Variants in ELOVL7 observed in about 807,000 individuals in gnomAD.
ELOVL7 encodes the protein ELOVL fatty acid elongase 7, also known as very long chain fatty acid elongase 7.
In ELOVL7, 27 loss-of-function variants were observed where a neutral mutation model predicts 35.7. The observed-to-expected ratio is 0.76, with a 90% CI of 0.56 to 1.04. The LOEUF (loss-of-function observed/expected upper bound fraction) is 1.04. Ranked by LOEUF, ELOVL7 falls within the 50% of genes least tolerant of loss-of-function variation. ELOVL7 has a pLI of 0.00. For missense variants in ELOVL7, 327 were observed against 340.8 expected, an observed-to-expected ratio of 0.96 and a Z score of 0.32; for synonymous variants, 113 against 114.6, an observed-to-expected ratio of 0.99 and a Z score of 0.09.
intron 1 of ELOVL7, among the ~76,000 whole-genome samples, chr5:60,815,098 C>G (rs979346387): frequency 6.6e-6 from 1 of 152,180 alleles, no homozygotes; most frequent in Non-Finnish European, 1.5e-5. Flanking sequence ...CAAGCTAATG[C>G]ATAATGAACT....
chr5:60,772,218 C>A, intron 3 of ELOVL7, 125 bp from the exon 4 acceptor site: 1 of 604,956 alleles, frequency 1.7e-6, no homozygotes, highest in Non-Finnish European at 2.9e-6. Context: ...GCAGTGATCA[C>A]TAGTATCTTT....
intron 3 of ELOVL7, among the ~76,000 whole-genome samples, chr5:60,786,275 A>G (rs1743579508): frequency 6.6e-6 from 1 of 152,020 alleles, no homozygotes; most frequent in Non-Finnish European, 1.5e-5. Flanking sequence ...TTTTTTTTGA[A>G]ATTTTACTTT....
At position 60,757,620 on chromosome 5, in the gene ELOVL7, A is replaced by G; in HGVS notation, c.525T>C (p.Leu175=). Residue 175 remains leucine, a synonymous_variant, in exon 8 of 9, where the codon CTT becomes CTC. Coordinates refer to ENST00000508821, the MANE Select transcript of ELOVL7 (RefSeq NM_024930.3). ...TGACTACATGTACAGCTGTATTTAG[A>G]AGGGCATGGAATGTTCCCAAACCAC... ...AAGGLGTFHA[L]LNTAVHVVMY... is the part of the protein sequence containing the mutation. 2 of 1,591,810 alleles carry G rather than the reference A, an allele frequency of 1.3e-6. No individual in the cohort carries two copies. The highest frequency in any genetic ancestry group is 1.7e-6 in the Non-Finnish European group (2 of 1,165,542).
At chr5:60,757,433 C>G in intron 8 of ELOVL7, 76 bp downstream of exon 8, 1 of 1,428,680 alleles carries the variant, frequency 7.0e-7, no homozygotes. Context: ...TTTATTTAAC[C>G]AGTATCCTAA....
intron 1 of ELOVL7, among the ~76,000 whole-genome samples, chr5:60,838,888 T>C (rs1746988044): frequency 6.6e-6 from 1 of 151,576 alleles, no homozygotes; most frequent in African/African-American, 2.4e-5. Context: ...GCCATCTTGG[T>C]GGTGAGTGTC....
intron 1 of ELOVL7, among the ~76,000 whole-genome samples, chr5:60,833,596 A>C (rs1015353385): frequency 6.6e-6 from 1 of 152,220 alleles, no homozygotes; most frequent in African/African-American, 2.4e-5. Context: ...TTAAACCTAC[A>C]TTAGAAATTA....
intron 3 of ELOVL7, among the ~76,000 whole-genome samples, chr5:60,785,201 G>T (rs1370208177): frequency 1.3e-5 from 2 of 151,934 alleles, no homozygotes; most frequent in Admixed American, 1.3e-4. Context: ...AGTATTCCTT[G>T]CCTTCTCCCT....
At position 60,784,094 on chromosome 5, in the gene ELOVL7, A is replaced by G. The variant is rs377070430; in HGVS notation, c.64+3240T>C. The stretch of plus-strand genomic sequence containing the variant: ...ATAGGGAAAGTAGAATGCCACATAC[A>G]TAGAATATTAATGGGCTTTTCCATC... On this transcript the variant is annotated intron_variant, in intron 3 of 8. Transcript: ENST00000508821. The G allele has an allele frequency of 5.2e-6, 7 of 1,355,934 alleles. No individual in the cohort carries two copies. The South Asian group carries it at 6.2e-5, about 12-fold the overall frequency. The allele number at this position is 1,355,934 out of a possible 1,614,324, so 84.0% of individuals were successfully genotyped here.
intron 2 of ELOVL7, among the ~76,000 whole-genome samples, chr5:60,788,015 AAAG>A (rs1743703580): frequency 6.6e-6 from 1 of 152,226 alleles, no homozygotes; most frequent in African/African-American, 2.4e-5. Context: ...GAAATCTGAA[AAAG>A]AAGACCAGTG....
chr5:60,841,332 T>C (rs1249168410), intron 1 of ELOVL7, among the ~76,000 whole-genome samples: 1 of 152,138 alleles, frequency 6.6e-6, no homozygotes, highest in Admixed American at 6.6e-5. Flanking sequence ...AGCCTGAGAA[T>C]ACTAAAATAC....
chr5:60,818,319 GAAA>G (rs60141189), intron 1 of ELOVL7, among the ~76,000 whole-genome samples: 89 of 70,566 alleles, frequency 1.3e-3, no homozygotes, highest in African/African-American at 2.4e-3. Context: ...TTCCATCTCA[GAAA>G]AAAAAAAAAA....
At chr5:60,774,195 A>T (rs1315279616) in intron 3 of ELOVL7, among the ~76,000 whole-genome samples, 1 of 152,156 alleles carries the variant, frequency 6.6e-6, no homozygotes, top group Non-Finnish European at 1.5e-5. Flanking sequence ...AACAACAATG[A>T]CAAAAAAGAA....
intron 1 of ELOVL7, among the ~76,000 whole-genome samples, chr5:60,832,667 A>ATT (rs34899576): frequency 6.8e-6 from 1 of 147,508 alleles, no homozygotes; most frequent in Non-Finnish European, 1.5e-5. Flanking sequence ...CCCAGCCGGA[A>ATT]TTTTTTTTTT....
intron 1 of ELOVL7, among the ~76,000 whole-genome samples, chr5:60,829,633 A>G (rs2112379894): frequency 6.6e-6 from 1 of 152,308 alleles, no homozygotes; most frequent in East Asian, 1.9e-4. Context: ...GGAGAAAGAC[A>G]TACTAGAGAA....
At chr5:60,806,717 C>A (rs116252611) in intron 1 of ELOVL7, among the ~76,000 whole-genome samples, 2 of 152,042 alleles carry the variant, frequency 1.3e-5, no homozygotes, top group East Asian at 1.9e-4. Context: ...GAACTGTTTG[C>A]GGTCTCTCTC....
chr5:60,837,602 T>C (rs560717483), intron 1 of ELOVL7, among the ~76,000 whole-genome samples: 20 of 152,284 alleles, frequency 1.3e-4, no homozygotes, highest in South Asian at 1.0e-3. Flanking sequence ...GCCCATGAAG[T>C]TGATTTTCTG....
intron 1 of ELOVL7, among the ~76,000 whole-genome samples, chr5:60,814,828 A>G (rs931686978): frequency 2.6e-5 from 4 of 152,186 alleles, no homozygotes; most frequent in Non-Finnish European, 4.4e-5. Flanking sequence ...CAATCAACCA[A>G]CATTTATTAA....
intron 1 of ELOVL7, among the ~76,000 whole-genome samples, chr5:60,814,254 G>A (rs1384691915): frequency 6.6e-6 from 1 of 152,086 alleles, no homozygotes; most frequent in East Asian, 1.9e-4. Flanking sequence ...CTGTGAAATG[G>A]GTCAAAAATG....
intron 4 of ELOVL7, chr5:60,768,716 G>A (rs978145074): frequency 2.2e-5 from 10 of 455,822 alleles, no homozygotes; most frequent in Non-Finnish European, 4.4e-5. Flanking sequence ...CAAGGGCTCT[G>A]ATTTTAACTT....
Sources: gnomAD v4.1 joint callset for allele counts (sites outside exome capture counted in the v4.1 genomes callset) on GRCh38, gnomAD v4.1.1 for gene constraint, MANE v1.5 for transcripts, NCBI Gene and HGNC (gene_info 2026-07-23, HGNC 2026-07-21) for gene names.